Variants in ZAR1 observed in about 807,000 individuals in gnomAD.
ZAR1 encodes the protein zygote arrest 1.
A neutral mutation model predicts 38.3 loss-of-function variants in ZAR1; 37 were observed. The ratio of observed to expected loss-of-function variants is 0.97; its 90% CI spans 0.74 to 1.27. The LOEUF is 1.27. Ranked by LOEUF, ZAR1 falls within the 50% of genes most tolerant of loss-of-function variation. The pLI is 0.00. For synonymous variants in ZAR1, 336 were observed against 292.0 expected (o/e 1.15, Z -1.53); for missense variants, 651 against 632.4 (o/e 1.03, Z -0.32).
chr4:48,492,836 G>C lies in ZAR1; in HGVS notation c.1034G>C (p.Trp345Ser). The C allele has an allele frequency of 6.2e-7, 1 of 1,614,162 alleles. No individual in the cohort carries two copies. Among genetic ancestry groups the C allele is most frequent in the Non-Finnish European group, 8.5e-7 (1 of 1,180,020 alleles). The change falls in exon 2 of 4, where the codon TGG becomes TCG. Residue 345 changes from tryptophan (W) to serine (S), a missense_variant. Trp to Ser is a radical substitution (Grantham distance 177, BLOSUM62 -3). Around this residue, in one of 2 missense-constraint regions of ZAR1, gnomAD observed 129 missense variants for 172.5 expected, o/e 0.75. Transcript: ENST00000327939. ...CNIRWESAYV[W>S]CVQGTNKVYF... ...ATCCGCTGGGAGAGTGCTTATGTGT[G>C]GTGTGTACAGGGAACTAACAAGGTA...
chr4:48,494,887 A>G (rs1718544226), downstream of ZAR1, among the ~76,000 whole-genome samples: 1 of 152,152 alleles, frequency 6.6e-6, no homozygotes. Context: ...AGGCTGGGAA[A>G]ACTAACCTGG....
chr4:48,494,562 T>C (rs1718535476), downstream of ZAR1, among the ~76,000 whole-genome samples: 1 of 152,122 alleles, frequency 6.6e-6, no homozygotes, highest in Non-Finnish European at 1.5e-5. Flanking sequence ...GGGGTGCTTG[T>C]AGACGAGGTC....
intron 1 of ZAR1, 66 bp downstream of exon 1, chr4:48,491,320 C>A: frequency 1.7e-6 from 2 of 1,158,662 alleles, no homozygotes; most frequent in Non-Finnish European, 2.2e-6. Flanking sequence ...TGGGCCTGGC[C>A]CTGTGACTGC....
chr4:48,491,017 C>T lies in ZAR1; in HGVS notation c.726C>T (p.Asp242=), dbSNP rs1446205653. 3.7e-6 allele frequency: 5 copies of T among 1,363,970 alleles called. No individual in the cohort carries two copies. The highest frequency in any genetic ancestry group is 4.7e-6 in the Non-Finnish European group (5 of 1,063,374). The allele number at this position is 1,363,970 out of a possible 1,614,324, so 84.5% of individuals were successfully genotyped here. A position where few individuals can be genotyped will look rare whatever the true frequency, so the allele number is the denominator to read the frequency against. The change falls in exon 1 of 4, where the codon GAC becomes GAT. Residue 242 remains aspartate (D), a synonymous_variant. Coordinates refer to ENST00000327939, the MANE Select transcript of ZAR1 (RefSeq NM_175619.3). ...CCCGGCGGCCGCAGTCCGACGACGA[C>T]GGCGAGGCCCAGGCCGCAGTCCGAG... The part of the protein sequence containing the change: ...KAPRRPQSDD[D]GEAQAAVRAS...
In ZAR1 at chr4:48,494,202, C is replaced by G; in HGVS notation, c.1233C>G (p.Arg411=). 6.2e-7 allele frequency: 1 copy of G among 1,614,210 alleles called. No individual in the cohort carries two copies. Among genetic ancestry groups the G allele is most frequent in the Non-Finnish European group, 8.5e-7 (1 of 1,180,046 alleles). ...QDLCGRCKGK[R]LSCDSTFSFK... is the part of the protein sequence containing the mutation. ...TGTGCGGTAGATGCAAAGGCAAACG[C>G]CTGTCCTGTGACAGCACTTTCAGCT... The change falls in exon 4 of 4, where the codon CGC becomes CGG. Residue 411 remains arginine (R), a synonymous_variant. Transcript: ENST00000327939.
intron 3 of ZAR1, 62 bp downstream of exon 3, chr4:48,493,074 T>C: frequency 1.3e-6 from 2 of 1,494,336 alleles, no homozygotes; most frequent in South Asian, 1.1e-5. Flanking sequence ...TTAGTATAGT[T>C]TGAGTATACT....
rs767736003 is a variant in ZAR1, at chr4:48,494,256, T to C, written c.*12T>C. ...AATACATCATTTAGGTGAAAGTCAG[T>C]GTTGCTGTGCATGCGCTGATGGAGT... On this transcript the variant is annotated 3_prime_UTR_variant, in exon 4 of 4. Coordinates refer to ENST00000327939, the MANE Select transcript of ZAR1 (RefSeq NM_175619.3). 1 of 1,613,990 alleles carries C rather than the reference T, an allele frequency of 6.2e-7. No individual in the cohort carries two copies. Among genetic ancestry groups the C allele is most frequent in the Non-Finnish European group, 8.5e-7 (1 of 1,179,948 alleles).
downstream of ZAR1, chr4:48,494,499 T>C (rs1242428404): frequency 2.4e-5 from 11 of 453,802 alleles, no homozygotes; most frequent in Non-Finnish European, 3.5e-5. Flanking sequence ...GCTGATGGCA[T>C]AGAGTGGGCC....
intron 3 of ZAR1, among the ~76,000 whole-genome samples, chr4:48,493,790 T>G (rs1031847986): frequency 1.5e-4 from 23 of 152,360 alleles, no homozygotes; most frequent in African/African-American, 5.0e-4. Context: ...ACTCTGCTCT[T>G]GGTGTTCATT....
chr4:48,496,821 G>A (rs1407303005), downstream of ZAR1, among the ~76,000 whole-genome samples: 2 of 152,062 alleles, frequency 1.3e-5, no homozygotes, highest in East Asian at 3.8e-4. Context: ...TGAAAAATTA[G>A]GGAAAAAATG....
At chr4:48,496,534 G>A (rs1718621604), downstream of ZAR1, among the ~76,000 whole-genome samples, 1 of 152,118 alleles carries the variant, frequency 6.6e-6, no homozygotes, top group Non-Finnish European at 1.5e-5. Flanking sequence ...TTTTTCAGTT[G>A]AGGAAAGTGA....
At position 48,490,481 on chromosome 4, in the gene ZAR1, C is replaced by T. The variant is rs1303510097; in HGVS notation, c.190C>T (p.Pro64Ser). ...GGCGGGCGCGGCCTCGTTGTCCTTC[C>T]CGGGCTGCGGGCGGCTGACGGCCGC... is the stretch of plus-strand genomic sequence containing the variant. ...CSAGAASLSF[P>S]GCGRLTAAEY... The change falls in exon 1 of 4, where the codon CCG (proline) becomes TCG (serine). Residue 64 changes from proline (P) to serine (S), a missense_variant. Coordinates refer to ENST00000327939, the MANE Select transcript of ZAR1 (RefSeq NM_175619.3). The T allele has an allele frequency of 2.7e-6, 4 of 1,470,698 alleles. No individual in the cohort carries two copies. The highest frequency in any genetic ancestry group is 3.6e-6 in the Non-Finnish European group (4 of 1,120,314). 91.1% of individuals were successfully genotyped at this position (1,470,698 alleles called of 1,614,324 possible). A position where few individuals can be genotyped will look rare whatever the true frequency, so the allele number is the denominator to read the frequency against.
At position 48,490,541 on chromosome 4, in the gene ZAR1, A is replaced by C; in HGVS notation, c.250A>C (p.Met84Leu). 1 of 1,456,508 alleles carries C rather than the reference A, an allele frequency of 6.9e-7. No individual in the cohort carries two copies. Among genetic ancestry groups the C allele is most frequent in the Non-Finnish European group, 9.0e-7 (1 of 1,113,808 alleles). The allele number at this position is 1,456,508 out of a possible 1,614,324, so 90.2% of individuals were successfully genotyped here. A position where few individuals can be genotyped will look rare whatever the true frequency, so the allele number is the denominator to read the frequency against. Residue 84 changes from methionine (M) to leucine (L), a missense_variant, in exon 1 of 4, where the codon ATG (methionine) becomes CTG (leucine). By Grantham distance (15) the Met-to-Leu change is conservative. Coordinates refer to ENST00000327939, the MANE Select transcript of ZAR1 (RefSeq NM_175619.3). ...YFDSYQRERLMALLAQVGPGL... is the reference protein window; with the variant it reads ...YFDSYQRERLLALLAQVGPGL... ...CGACAGCTACCAGCGGGAGCGGCTCATGGCTCTCCTGGCGCAGGTGGGGCC... is the reference window on the plus strand; with the variant it reads ...CGACAGCTACCAGCGGGAGCGGCTCCTGGCTCTCCTGGCGCAGGTGGGGCC...
At chr4:48,496,801 T>C (rs1418889733), downstream of ZAR1, among the ~76,000 whole-genome samples, 4 of 152,208 alleles carry the variant, frequency 2.6e-5, no homozygotes, top group Non-Finnish European at 5.9e-5. Flanking sequence ...AAAGGAACCA[T>C]GGATTACTTT....
chr4:48,491,545 G>A (rs1718443730), intron 1 of ZAR1, among the ~76,000 whole-genome samples: 1 of 140,474 alleles, frequency 7.1e-6, no homozygotes, highest in Admixed American at 7.4e-5. Context: ...CTCGCGCAGT[G>A]GGCGCATAGG....
chr4:48,496,896 G>C (rs2148676888), downstream of ZAR1, among the ~76,000 whole-genome samples: 1 of 152,168 alleles, frequency 6.6e-6, no homozygotes, highest in Middle Eastern at 3.4e-3. Flanking sequence ...GGTTATCCTG[G>C]TGTTTTATGT....
chr4:48,490,347 C>A lies in ZAR1; in HGVS notation c.56C>A (p.Pro19His), dbSNP rs746660380. Residue 19 changes from proline to histidine, a missense_variant, in exon 1 of 4, where the codon CCC becomes CAC. By Grantham distance (77) the Pro-to-His change is moderately conservative (BLOSUM62 -2). Coordinates refer to ENST00000327939, the MANE Select transcript of ZAR1 (RefSeq NM_175619.3). ...GGTTACGTGTTCCCGGCGTGCCCCC[C>A]CTGCTCGTACCGGTACCCATACCCC... ...LDGYVFPACP[P>H]CSYRYPYPAA... The A allele has an allele frequency of 1.3e-5, 19 of 1,513,826 alleles. No homozygotes were observed. Among genetic ancestry groups the A allele is most frequent in the Admixed American group, 6.2e-5 (3 of 48,630 alleles). 93.8% of individuals were successfully genotyped at this position (1,513,826 alleles called of 1,614,324 possible).
rs1229692198 is a variant in ZAR1 at position 48,491,235 on chromosome 4, A to G, written c.944A>G (p.Lys315Arg). The G allele has an allele frequency of 8.9e-6, 11 of 1,230,664 alleles. No homozygotes were observed. The highest frequency in any genetic ancestry group is 1.1e-5 in the Non-Finnish European group (11 of 986,634). The allele number at this position is 1,230,664 out of a possible 1,614,324, so 76.2% of individuals were successfully genotyped here. ...GPSPRSPELG[K>R]ERLRFQFLEQ... The stretch of plus-strand genomic sequence containing the variant: ...TCGCCACGGAGCCCGGAGCTGGGCA[A>G]GGAGCGGCTGCGCTTCCAGGTAAAG... The change falls in exon 1 of 4, where the codon AAG becomes AGG. Residue 315 changes from lysine to arginine, a missense_variant. This residue lies in a region of ZAR1 where 129 missense variants were observed against 172.5 expected (regional missense o/e 0.75). Coordinates refer to ENST00000327939, the MANE Select transcript of ZAR1 (RefSeq NM_175619.3).
downstream of ZAR1, among the ~76,000 whole-genome samples, chr4:48,496,149 T>TA (rs945278767): frequency 1.3e-5 from 2 of 151,986 alleles, no homozygotes; most frequent in Non-Finnish European, 2.9e-5. Flanking sequence ...GCATATAGAT[T>TA]AAAAAATCAC....
Sources: allele counts gnomAD v4.1 joint callset (sites outside exome capture counted in the v4.1 genomes callset), GRCh38; gene constraint gnomAD v4.1.1; regional missense constraint gnomAD v4.1.1; transcripts MANE v1.5; gene names NCBI Gene and HGNC (gene_info 2026-07-23, HGNC 2026-07-21).